Variants in PLEC observed in about 807,000 individuals in gnomAD.
The protein encoded by PLEC is plectin.
PLEC carries 216 observed loss-of-function variants against 392.8 expected under a neutral mutation model. The ratio of observed to expected loss-of-function variants is 0.55; its 90% confidence interval spans 0.49 to 0.62. PLEC has a LOEUF of 0.62. PLEC is among the 20% of genes least tolerant of loss of function. The probability of loss-of-function intolerance (pLI) is 0.00; values close to 1 mark genes in which losing one functional copy is unlikely to be tolerated. For synonymous variants in PLEC, 3,621 were observed against 2,980.6 expected (o/e 1.21, Z -7.00); for missense variants, 6,863 against 6,563.4 (o/e 1.05, Z -1.58).
In PLEC at chr8:143,950,512, A is replaced by G. The variant is rs781968694; in HGVS notation, c.195T>C (p.Phe65=). 3.1e-6 allele frequency: 5 copies of G among 1,608,210 alleles called. No homozygotes were observed. The East Asian group carries it at 1.1e-4, about 36-fold the overall frequency. The change falls in exon 1 of 32, where the codon TTT becomes TTC. Residue 65 remains phenylalanine, a synonymous_variant. Transcript: ENST00000322810. ...GGTACCAGTAAAAGTGGCACCAGGC[A>G]AAGGTCTCGCGGACCAGGCCCCGTG...
At position 143,921,150 on chromosome 8, in the gene PLEC, C is replaced by A; in HGVS notation, c.8671G>T (p.Gly2891Cys). Residue 2891 changes from glycine (G) to cysteine (C), a missense_variant, in exon 32 of 32, where the codon GGC (glycine) becomes TGC (cysteine). By Grantham distance (159) the Gly-to-Cys change is radical. Coordinates refer to ENST00000345136, the MANE Select transcript of PLEC (RefSeq NM_201384.3). ...LLPLTDKAAK[G>C]GELVYTDSEA... ...GAGTCAGTGTAGACCAGCTCCCCGC[C>A]CTTGGCAGCCTTATCCGTGAGTGGC... is the stretch of plus-strand genomic sequence containing the variant. 1 of 1,613,670 alleles carries A rather than the reference C, an allele frequency of 6.2e-7. No homozygotes were observed. The highest frequency in any genetic ancestry group is 1.1e-5 in the South Asian group (1 of 91,088).
intron 25 of PLEC, among the ~76,000 whole-genome samples, chr8:143,928,732 G>A (rs1453134330): frequency 6.6e-6 from 1 of 152,192 alleles, no homozygotes; most frequent in Non-Finnish European, 1.5e-5. Context: ...ATAAATGCCA[G>A]AGGCCCTTAA....
At chr8:143,943,286 C>A (rs1181567867), upstream of PLEC, among the ~76,000 whole-genome samples, 1 of 152,220 alleles carries the variant, frequency 6.6e-6, no homozygotes, top group Non-Finnish European at 1.5e-5. Context: ...ACGGTTGCCA[C>A]CTGGGACCAC....
Position 143,929,084 on chromosome 8 carries a change from T to C in PLEC, c.3260+19A>G. On this transcript the variant is annotated intron_variant, in intron 25 of 31. Transcript: ENST00000345136. ...CCCCAGCCGACCCCAGCCCCTCGCC[T>C]GTGGCCAGGTGCACTCACTTCTCCA... 1 of 1,557,154 alleles carries C rather than the reference T, an allele frequency of 6.4e-7. No individual in the cohort carries two copies. Among genetic ancestry groups the C allele is most frequent in the African/African-American group, 1.4e-5 (1 of 73,868 alleles).
At chr8:143,971,246 G>A (rs1042203982) in intron 1 of PLEC, among the ~76,000 whole-genome samples, 2 of 152,180 alleles carry the variant, frequency 1.3e-5, no homozygotes, top group Non-Finnish European at 2.9e-5. Flanking sequence ...ACAGAGGGGA[G>A]GAGGCCAGGA....
At position 143,917,173 on chromosome 8, in the gene PLEC, G is replaced by T. The variant is rs782317892; in HGVS notation, c.12648C>A (p.Arg4216=). ...CGGCGCGGTACTGGTCCAGTGCCGA[G>T]CGGTCGATGAGGTTCTTGGCGATGG... ...DDAIAKNLID[R]SALDQYRAGT... is the part of the protein sequence containing the mutation. Residue 4216 remains arginine (R), a synonymous_variant, in exon 32 of 32, where the codon CGC becomes CGA. Coordinates refer to ENST00000345136, the MANE Select transcript of PLEC (RefSeq NM_201384.3). 1 of 1,612,060 alleles carries T rather than the reference G, an allele frequency of 6.2e-7. No individual in the cohort carries two copies. Among genetic ancestry groups the T allele is most frequent in the Admixed American group, 1.7e-5 (1 of 60,008 alleles).
upstream of PLEC, among the ~76,000 whole-genome samples, chr8:143,976,036 C>T (rs1564242810): frequency 6.6e-6 from 1 of 152,196 alleles, no homozygotes; most frequent in Admixed American, 6.5e-5. Context: ...TAGGACTCCC[C>T]ATCACGCCAC....
intron 18 of PLEC, 135 bp from the exon 19 acceptor site, chr8:143,931,794 T>A (rs1241326123): frequency 6.8e-7 from 1 of 1,463,718 alleles, no homozygotes; most frequent in Non-Finnish European, 9.3e-7. Flanking sequence ...GGAGCACCCC[T>A]GTCCAAGGCC....
At chr8:143,971,908 G>A (rs1412295983) in intron 1 of PLEC, among the ~76,000 whole-genome samples, 3 of 152,150 alleles carry the variant, frequency 2.0e-5, no homozygotes, top group African/African-American at 7.2e-5. Context: ...TGGGAGGGAG[G>A]ACCCTGACAG....
rs1486017268 is a variant in PLEC at position 143,969,426 on chromosome 8, G to C, written c.70+3977C>G. ...GAGGCCTCCGTGCTGAGGGCTGTGG[G>C]CTGGTGACTTAGACAGTCGGCCCAG... is the stretch of plus-strand genomic sequence containing the variant. On this transcript the variant is annotated intron_variant, in intron 1 of 31. Coordinates refer to the PLEC transcript ENST00000356346. This position sits in a 1 kb window ranked among gnomAD's most constrained non-coding sequence, Gnocchi z 5.1. Among the ~76,000 whole-genome samples, 1 of 152,228 alleles carries C rather than the reference G, an allele frequency of 6.6e-6. No individual in the cohort carries two copies. The highest frequency in any genetic ancestry group is 1.5e-5 in the Non-Finnish European group (1 of 68,036).
chr8:143,954,355 G>C (rs958352545), upstream of PLEC, among the ~76,000 whole-genome samples: 1 of 151,996 alleles, frequency 6.6e-6, no homozygotes, highest in South Asian at 2.1e-4. This position sits in a 1 kb window ranked among gnomAD's most constrained non-coding sequence, Gnocchi z 4.6. Context: ...TCGCCTCTGC[G>C]CAGCCCTGGG....
At chr8:143,972,016 C>G (rs1318904390) in intron 1 of PLEC, among the ~76,000 whole-genome samples, 1 of 152,172 alleles carries the variant, frequency 6.6e-6, no homozygotes, top group Non-Finnish European at 1.5e-5. Flanking sequence ...GCCCTGGGGC[C>G]AGGAAAGCCT....
At chr8:143,950,813 G>C in exon 1 of PLEC, 5 of 1,503,766 alleles carry the variant, frequency 3.3e-6, no homozygotes, top group Non-Finnish European at 4.4e-6. Flanking sequence ...GTGTGACAGC[G>C]GGCAGCGGCA....
Position 143,938,513 on chromosome 8 carries a change from G to C in PLEC, c.174+118C>G, listed in dbSNP as rs972338946. ...AGAGGACAGAAAATAACAGGTTTCA[G>C]AGATGAAAGGTGAGCACACAGGCAG... is the stretch of plus-strand genomic sequence containing the variant. On this transcript the variant is annotated intron_variant, in intron 2 of 31. Coordinates refer to ENST00000345136, the MANE Select transcript of PLEC (RefSeq NM_201384.3). 42 of 1,557,268 alleles carry C rather than the reference G, an allele frequency of 2.7e-5. 4 individuals carry two copies. In the Admixed American group the frequency reaches 4.0e-4, roughly 15 times the overall value.
In PLEC at chr8:143,921,117, G is replaced by T; in HGVS notation, c.8704C>A (p.Arg2902=). Residue 2902 remains arginine, a synonymous_variant, in exon 32 of 32, where the codon CGG becomes AGG. Transcript: ENST00000345136. ...GELVYTDSEA[R]DVFEKATVSA... ...ACGGTGGCCTTCTCAAAGACGTCCC[G>T]GGCCTCGGAGTCAGTGTAGACCAGC... 6.2e-7 allele frequency: 1 copy of T among 1,612,504 alleles called. No individual in the cohort carries two copies. The highest frequency in any genetic ancestry group is 8.5e-7 in the Non-Finnish European group (1 of 1,180,040).
upstream of PLEC, chr8:143,939,658 C>T: frequency 1.1e-5 from 15 of 1,409,880 alleles, no homozygotes; most frequent in Admixed American, 2.9e-5. Flanking sequence ...GCCCCCGAGG[C>T]CCCACCCTGC....
chr8:143,921,431 A>G lies in PLEC; in HGVS notation c.8390T>C (p.Ile2797Thr). 1.2e-6 allele frequency: 2 copies of G among 1,613,448 alleles called. No homozygotes were observed. Among genetic ancestry groups the G allele is most frequent in the South Asian group, 2.2e-5 (2 of 91,066 alleles). The stretch of plus-strand genomic sequence containing the variant: ...CAGGCGGATGCCGTGCTCCCGGACG[A>G]TGAGGCCCTTCTGCATGGCTTGGAA... ...SLFQAMQKGL[I>T]VREHGIRLLE... The change falls in exon 32 of 32, where the codon ATC becomes ACC. Residue 2797 changes from isoleucine (I) to threonine (T), a missense_variant. Coordinates refer to ENST00000345136, the MANE Select transcript of PLEC (RefSeq NM_201384.3).
chr8:143,967,287 C>T (rs1051249112), intron 1 of PLEC, among the ~76,000 whole-genome samples: 2 of 142,774 alleles, frequency 1.4e-5, no homozygotes, highest in African/African-American at 2.6e-5. Context: ...GGCTTGAACC[C>T]GGGAGGCGGA....
rs372256096 is a variant in PLEC, at chr8:143,926,870, G to C, written c.3958C>G (p.Arg1320Gly). ...ESVIQEYVDL[R>G]THYSELTTLT... The stretch of plus-strand genomic sequence containing the variant: ...GTGGTCAGCTCGCTGTAGTGCGTAC[G>C]CAGGTCCACGTACTGTGGAGTAGAG... The change falls in exon 30 of 32, where the codon CGT becomes GGT. Residue 1320 changes from arginine (R) to glycine (G), a missense_variant. Coordinates refer to ENST00000345136, the MANE Select transcript of PLEC (RefSeq NM_201384.3). The C allele has an allele frequency of 1.9e-6, 3 of 1,612,636 alleles. No individual in the cohort carries two copies. The African/African-American group carries it at 4.0e-5, about 22-fold the overall frequency.
Sources: gnomAD v4.1 joint callset for allele counts (sites outside exome capture counted in the v4.1 genomes callset) on GRCh38, gnomAD v4.1.1 for gene constraint, Gnocchi (gnomAD v3.1) non-coding constraint, MANE v1.5 for transcripts, NCBI Gene and HGNC (gene_info 2026-07-23, HGNC 2026-07-21) for gene names.